ARHGEF4: variants seen among roughly 807,000 people sequenced by gnomAD.
ARHGEF4 encodes the protein Rho guanine nucleotide exchange factor 4, also known as APC-stimulated guanine nucleotide exchange factor 1.
A neutral mutation model predicts 162.0 loss-of-function variants in ARHGEF4; 119 were observed. That is an observed-to-expected ratio of 0.73 (90% CI 0.63 to 0.86). The LOEUF (loss-of-function observed/expected upper bound fraction) is 0.86, where lower values mean the gene tolerates loss of function less well. ARHGEF4 is among the 40% of genes least tolerant of loss of function. The probability of loss-of-function intolerance (pLI) is 0.00; values close to 1 mark genes in which losing one functional copy is unlikely to be tolerated. For missense variants in ARHGEF4, 2,488 were observed against 2,456.0 expected, an observed-to-expected ratio of 1.01 and a Z score of -0.28; for synonymous variants, 1,014 against 979.9, an observed-to-expected ratio of 1.03 and a Z score of -0.65.
chr2:130,896,381 A>G (rs914523143), intron 1 of ARHGEF4, among the ~76,000 whole-genome samples: 4 of 152,210 alleles, frequency 2.6e-5, no homozygotes. Context: ...TCCAAGTGGA[A>G]ACCATTCTGG....
chr2:130,937,142 C>T (rs1683006186), intron 3 of ARHGEF4, among the ~76,000 whole-genome samples: 1 of 109,098 alleles, frequency 9.2e-6, no homozygotes, highest in African/African-American at 2.5e-5. Flanking sequence ...AACTTCTGAC[C>T]TCAGGTGATC....
chr2:130,992,967 C>T (rs2105288792), intron 4 of ARHGEF4, among the ~76,000 whole-genome samples: 1 of 152,252 alleles, frequency 6.6e-6, no homozygotes, highest in South Asian at 2.1e-4. Flanking sequence ...ATCTGTAATC[C>T]CAACTATTCG....
chr2:130,943,718 C>T (rs1042698202), intron 3 of ARHGEF4, among the ~76,000 whole-genome samples: 50 of 152,252 alleles, frequency 3.3e-4, no homozygotes, highest in African/African-American at 1.2e-3. Context: ...CCATAGGTTC[C>T]TTTAACCTCC....
At chr2:131,023,606 C>G (rs1689287042) in intron 4 of ARHGEF4, among the ~76,000 whole-genome samples, 1 of 152,084 alleles carries the variant, frequency 6.6e-6, no homozygotes, top group East Asian at 1.9e-4. Context: ...AGTGACAATA[C>G]CAAATGCTGC....
chr2:130,847,762 G>A (rs1331336960), intron 1 of ARHGEF4, among the ~76,000 whole-genome samples: 1 of 152,242 alleles, frequency 6.6e-6, no homozygotes, highest in Non-Finnish European at 1.5e-5. Flanking sequence ...CACAGGAACA[G>A]TGCTGGCTTA....
intron 1 of ARHGEF4, among the ~76,000 whole-genome samples, chr2:130,897,105 T>C (rs1680201174): frequency 1.3e-5 from 2 of 152,218 alleles, no homozygotes; most frequent in South Asian, 4.1e-4. Context: ...CCCCTAATGC[T>C]AGCAGAATAG....
chr2:130,848,184 C>T (rs1361092847), intron 1 of ARHGEF4, among the ~76,000 whole-genome samples: 1 of 152,192 alleles, frequency 6.6e-6, no homozygotes, highest in Non-Finnish European at 1.5e-5. Context: ...TTCCCGACCT[C>T]AGAGGGGCTG....
chr2:130,866,436 C>G (rs540491401), intron 1 of ARHGEF4, among the ~76,000 whole-genome samples: 1 of 152,254 alleles, frequency 6.6e-6, no homozygotes, highest in African/African-American at 2.4e-5. Context: ...CCCACATGAC[C>G]TTAGTCCTCT....
intron 1 of ARHGEF4, among the ~76,000 whole-genome samples, chr2:130,868,981 C>A (rs1172299654): frequency 6.6e-6 from 1 of 152,230 alleles, no homozygotes; most frequent in Non-Finnish European, 1.5e-5. Context: ...ATCGGGACCA[C>A]CTGGATAATC....
intron 1 of ARHGEF4, among the ~76,000 whole-genome samples, chr2:130,884,335 A>G (rs1679380837): frequency 6.6e-6 from 1 of 152,090 alleles, no homozygotes; most frequent in African/African-American, 2.4e-5. Flanking sequence ...CTATAGTTTA[A>G]TGGTTAAAGA....
chr2:130,909,812 C>T (rs1366976013), intron 1 of ARHGEF4, among the ~76,000 whole-genome samples: 37 of 151,906 alleles, frequency 2.4e-4, no homozygotes, highest in Admixed American at 2.4e-3. Context: ...TCCAGAATCA[C>T]GGCCCACTAC....
At position 131,028,057 on chromosome 2, in the gene ARHGEF4, G is replaced by T. The variant is rs755560921; in HGVS notation, c.4098G>T (p.Gly1366=). The change falls in exon 5 of 14, where the codon GGG becomes GGT. Residue 1366 remains glycine, a synonymous_variant. Coordinates refer to ENST00000409359, the MANE Select transcript of ARHGEF4 (RefSeq NM_001367493.1). The stretch of plus-strand genomic sequence containing the variant: ...GCCACCACTACAGCCACCCTGGAGG[G>T]GGTGGGGAGCAGCTGGCTATCAATG... ...SSSHHYSHPG[G]GGEQLAINEL... 4 of 1,613,956 alleles carry T rather than the reference G, an allele frequency of 2.5e-6. No homozygotes were observed. The African/African-American group carries it at 4.0e-5, about 16-fold the overall frequency.
intron 4 of ARHGEF4, among the ~76,000 whole-genome samples, chr2:131,002,709 CAAAAAAAAAAAAAAAAAAAAA>C (rs66979991): frequency 3.6e-4 from 19 of 53,246 alleles, no homozygotes; most frequent in African/African-American, 1.4e-3. Context: ...GACTCCGTCT[CAAAAAAAAAAAAAAAAAAAAA>C]AAAAAAAAAA....
intron 1 of ARHGEF4, among the ~76,000 whole-genome samples, chr2:130,867,457 C>G (rs1361754560): frequency 6.6e-6 from 1 of 151,882 alleles, no homozygotes; most frequent in Non-Finnish European, 1.5e-5. Context: ...AGGCTGGTCT[C>G]GAACTCCTGA....
At chr2:130,902,002 A>T (rs556661751) in intron 1 of ARHGEF4, among the ~76,000 whole-genome samples, 1 of 152,028 alleles carries the variant, frequency 6.6e-6, no homozygotes, top group South Asian at 2.1e-4. Flanking sequence ...TTGTCTTTTC[A>T]CTCAGAAACC....
intron 4 of ARHGEF4, among the ~76,000 whole-genome samples, chr2:130,991,166 A>ACCCC (rs1391909953): frequency 6.6e-6 from 1 of 152,244 alleles, no homozygotes; most frequent in Non-Finnish European, 1.5e-5. Flanking sequence ...AACACCAAAG[A>ACCCC]CCAAGTAGAC....
intron 4 of ARHGEF4, among the ~76,000 whole-genome samples, chr2:131,019,918 G>A (rs533464856): frequency 1.3e-5 from 2 of 152,320 alleles, no homozygotes; most frequent in African/African-American, 2.4e-5. Context: ...ACAGGCGTGA[G>A]CCACCATGCC....
rs539061894 is a variant in ARHGEF4, at chr2:130,958,502, C to G, written c.3985+11867C>G. Among the ~76,000 whole-genome samples, 386 of 151,866 alleles carry G rather than the reference C, an allele frequency of 2.5e-3. 9 individuals are homozygous for G. Among genetic ancestry groups the G allele is most frequent in the Non-Finnish European group, 8.4e-4 (57 of 67,922 alleles). ...TCAGCTCACTGCAACCTCCGCCCCC[C>G]CGATCCGAGCGATTCTCCCACCTCA... is the stretch of plus-strand genomic sequence containing the variant. On this transcript the variant is annotated intron_variant, in intron 4 of 13. Coordinates refer to ENST00000409359, the MANE Select transcript of ARHGEF4 (RefSeq NM_001367493.1).
At chr2:131,006,515 C>T (rs1007899837) in intron 4 of ARHGEF4, among the ~76,000 whole-genome samples, 6 of 152,176 alleles carry the variant, frequency 3.9e-5, no homozygotes, top group Admixed American at 2.0e-4. Flanking sequence ...GACTGTCAGC[C>T]ATTAGGGAAT....
Sources: gnomAD v4.1 joint callset for allele counts (sites outside exome capture counted in the v4.1 genomes callset) on GRCh38, gnomAD v4.1.1 for gene constraint, MANE v1.5 for transcripts, NCBI Gene and HGNC (gene_info 2026-07-23, HGNC 2026-07-21) for gene names.